UTP4: variants seen among roughly 807,000 people sequenced by gnomAD.
The protein encoded by UTP4 is UTP4 small subunit processome component.
UTP4 carries 45 observed loss-of-function variants against 82.4 expected under a neutral mutation model. The ratio of observed to expected loss-of-function variants is 0.55; its 90% CI spans 0.43 to 0.70. UTP4 has a LOEUF of 0.70. Among genes scored for constraint, UTP4 ranks in the 30% least tolerant of loss-of-function variants. The probability of loss-of-function intolerance (pLI) is 0.00; values close to 1 mark genes in which losing one functional copy is unlikely to be tolerated. For synonymous variants in UTP4, 348 were observed against 300.3 expected (o/e 1.16, Z -1.64); for missense variants, 819 against 858.3 (o/e 0.95, Z 0.57).
At position 69,160,484 on chromosome 16, in the gene UTP4, A is replaced by G. The variant is rs768172653; in HGVS notation, c.1551+22A>G. 5.1e-6 allele frequency: 8 copies of G among 1,575,054 alleles called. 1 individual carries two copies. The South Asian group carries it at 8.9e-5, about 17-fold the overall frequency. ...AAAGGTGAGCATAGGGTTTCATGGC[A>G]GCAGTTTGAATCATTGTACAGGAGC... is the stretch of plus-strand genomic sequence containing the variant. On this transcript the variant is annotated intron_variant, in intron 13 of 16. Transcript: ENST00000314423.
chr16:69,160,848 G>A (rs530984333), intron 13 of UTP4, among the ~76,000 whole-genome samples: 4 of 151,932 alleles, frequency 2.6e-5, no homozygotes, highest in African/African-American at 4.8e-5. Context: ...CGCCCACCTC[G>A]GCCTCCCAAA....
At position 69,153,522 on chromosome 16, in the gene UTP4, C is replaced by A. The variant is rs1963331439; in HGVS notation, c.1003-62C>A. On this transcript the variant is annotated intron_variant, in intron 8 of 16. Transcript: ENST00000314423. ...ATGTGCTAAGGTGGTGCTACTGTAT[C>A]TGGTACTAAGGCAGTAGATGACCCT... is the stretch of plus-strand genomic sequence containing the variant. 6.3e-6 allele frequency: 7 copies of A among 1,111,066 alleles called. No individual in the cohort carries two copies. The Admixed American group carries it at 9.3e-5, about 15-fold the overall frequency. 68.8% of individuals were successfully genotyped at this position (1,111,066 alleles called of 1,614,324 possible). A position where few individuals can be genotyped will look rare whatever the true frequency, so the allele number is the denominator to read the frequency against.
At chr16:69,145,427 A>T (rs1419359801) in intron 6 of UTP4, among the ~76,000 whole-genome samples, 1 of 151,900 alleles carries the variant, frequency 6.6e-6, no homozygotes, top group Non-Finnish European at 1.5e-5. Flanking sequence ...TGCCAGGCTA[A>T]TTTTTGTAAT....
chr16:69,155,754 T>C, intron 10 of UTP4, 117 bp from the exon 11 acceptor site: 1 of 1,054,824 alleles, frequency 9.5e-7, no homozygotes, highest in Non-Finnish European at 1.5e-6. Context: ...GGATCGAGAT[T>C]ATGTGTAGAT....
At position 69,136,689 on chromosome 16, in the gene UTP4, T is replaced by A; in HGVS notation, c.160-7T>A. 6.2e-7 allele frequency: 1 copy of A among 1,613,976 alleles called. No individual in the cohort carries two copies. The highest frequency in any genetic ancestry group is 8.5e-7 in the Non-Finnish European group (1 of 1,179,866). On this transcript the variant is annotated splice_region_variant and splice_polypyrimidine_tract_variant and intron_variant, in intron 2 of 16. Coordinates refer to ENST00000314423, the MANE Select transcript of UTP4 (RefSeq NM_032830.3). Reference sequence around the variant, plus strand: ...GGTAATGTTGAGAAGTTATGGTGTTTCTGCAGTTTTTCCCAGGTCATGAGT... The same window carrying A: ...GGTAATGTTGAGAAGTTATGGTGTTACTGCAGTTTTTCCCAGGTCATGAGT...
intron 7 of UTP4, 28 bp downstream of exon 7, chr16:69,150,736 G>A (rs1228769192): frequency 1.9e-6 from 3 of 1,614,138 alleles, no homozygotes; most frequent in Non-Finnish European, 1.7e-6. Context: ...TGAGGCTGCT[G>A]CTTTACCCTG....
Position 69,163,165 on chromosome 16 carries a change from A to T in UTP4, c.1634A>T (p.His545Leu). ...APNTNNLVIA[H>L]SDQQVFEYSI... ...AATACCAACAACCTTGTCATCGCTC[A>T]TTCGGACCAGCAGGTAAGGGAGATT... Residue 545 changes from histidine (H) to leucine (L), a missense_variant, in exon 14 of 17, where the codon CAT becomes CTT. Transcript: ENST00000314423. 1.2e-6 allele frequency: 2 copies of T among 1,613,244 alleles called. No homozygotes were observed. Among genetic ancestry groups the T allele is most frequent in the Non-Finnish European group, 1.7e-6 (2 of 1,179,196 alleles).
At chr16:69,141,026 A>G (rs1435450688) in intron 5 of UTP4, among the ~76,000 whole-genome samples, 2 of 152,136 alleles carry the variant, frequency 1.3e-5, no homozygotes, top group East Asian at 3.8e-4. Context: ...TTTCCGGTAT[A>G]CTTATTGTTT....
At chr16:69,133,850 C>G (rs572342494) in intron 2 of UTP4, among the ~76,000 whole-genome samples, 2 of 152,282 alleles carry the variant, frequency 1.3e-5, no homozygotes, top group South Asian at 4.2e-4. Context: ...CACTGCCTGT[C>G]ATTGGAAACT....
chr16:69,156,463 CTTTT>C (rs895380237), intron 11 of UTP4, among the ~76,000 whole-genome samples: 1 of 117,520 alleles, frequency 8.5e-6, no homozygotes, highest in Admixed American at 9.1e-5. Flanking sequence ...CGCACCCAGC[CTTTT>C]TTTTTTTTTT....
In UTP4 at chr16:69,160,588, C is replaced by A. The variant is rs557460373; in HGVS notation, c.1551+126C>A. ...TATTAGACTTTTTTCTTTTTATTTT[C>A]TTTTCTTTTCTTTTTTTTTTTTTTT... On this transcript the variant is annotated intron_variant, in intron 13 of 16. Transcript: ENST00000314423. 1,076 of 672,018 alleles carry A rather than the reference C, an allele frequency of 1.6e-3. 3 individuals carry two copies. Among genetic ancestry groups the A allele is most frequent in the Admixed American group, 2.1e-3 (77 of 37,072 alleles). The allele number at this position is 672,018 out of a possible 1,614,324, so 41.6% of individuals were successfully genotyped here. A position where few individuals can be genotyped will look rare whatever the true frequency, so the allele number is the denominator to read the frequency against.
chr16:69,134,373 G>A (rs1249291808), intron 2 of UTP4, among the ~76,000 whole-genome samples: 2 of 152,090 alleles, frequency 1.3e-5, no homozygotes, highest in South Asian at 4.1e-4. Flanking sequence ...TAAGACAAAT[G>A]TCAGAGGCCC....
At chr16:69,134,734 G>C (rs952875832) in intron 2 of UTP4, among the ~76,000 whole-genome samples, 5 of 115,740 alleles carry the variant, frequency 4.3e-5, no homozygotes, top group Non-Finnish European at 8.4e-5. Flanking sequence ...ACGGAGTCTT[G>C]CTCTGTCACC....
At chr16:69,163,562 C>T (rs1011126098) in intron 14 of UTP4, among the ~76,000 whole-genome samples, 2 of 152,144 alleles carry the variant, frequency 1.3e-5, no homozygotes, top group East Asian at 1.9e-4. Context: ...TTCACCTTTA[C>T]GCTTGCCGAT....
chr16:69,137,518 C>G (rs1962840694), intron 3 of UTP4, among the ~76,000 whole-genome samples: 1 of 152,194 alleles, frequency 6.6e-6, no homozygotes, highest in Non-Finnish European at 1.5e-5. Flanking sequence ...TCTATGAAAT[C>G]CTACTTCTAA....
At chr16:69,144,302 A>G (rs906720653) in intron 6 of UTP4, among the ~76,000 whole-genome samples, 2 of 151,280 alleles carry the variant, frequency 1.3e-5, no homozygotes, top group African/African-American at 4.9e-5. Context: ...CCAGGGAGCA[A>G]TTTCTCCTGC....
intron 10 of UTP4, 23 bp downstream of exon 10, chr16:69,154,480 T>C: frequency 6.4e-7 from 1 of 1,558,926 alleles, no homozygotes; most frequent in Non-Finnish European, 8.8e-7. Flanking sequence ...GTTTAGGCTC[T>C]GAATTCTAGA....
At chr16:69,153,078 G>A (rs540295367) in intron 8 of UTP4, among the ~76,000 whole-genome samples, 4 of 151,978 alleles carry the variant, frequency 2.6e-5, no homozygotes, top group African/African-American at 9.7e-5. Context: ...TGCACCTCTC[G>A]TGCTTGTAGC....
At chr16:69,137,909 G>C (rs550525664) in intron 4 of UTP4, 24 bp downstream of exon 4, 1 of 1,389,764 alleles carries the variant, frequency 7.2e-7, no homozygotes, top group Admixed American at 1.7e-5. Flanking sequence ...TTCATGGGGC[G>C]GTAAATAGCC....
Sources: gnomAD v4.1 joint callset for allele counts (sites outside exome capture counted in the v4.1 genomes callset) on GRCh38, gnomAD v4.1.1 for gene constraint, MANE v1.5 for transcripts, NCBI Gene and HGNC (gene_info 2026-07-23, HGNC 2026-07-21) for gene names.